RGPD2: variants seen among roughly 807,000 people sequenced by gnomAD.
RGPD2 encodes RANBP2-like and GRIP domain-containing protein 2.
Under a neutral mutation model 36.0 loss-of-function variants are expected in RGPD2, and 2 were observed. The ratio of observed to expected loss-of-function variants is 0.06; its 90% CI spans 0.02 to 0.17. The LOEUF (loss-of-function observed/expected upper bound fraction) is 0.17. Ranked by LOEUF, RGPD2 falls within the 10% of genes least tolerant of loss-of-function variation. The pLI, the probability that RGPD2 is intolerant of heterozygous loss-of-function variation, is 1.00. For missense variants in RGPD2, 40 were observed against 464.3 expected (o/e 0.09, Z 8.40); for synonymous variants, 19 against 163.8 (o/e 0.12, Z 6.75).
At chr2:87,826,892 A>G (rs1686824981), upstream of RGPD2, among the ~76,000 whole-genome samples, 1 of 106,274 alleles carries the variant, frequency 9.4e-6, no homozygotes, top group African/African-American at 3.7e-5. Flanking sequence ...CTAATAGTGC[A>G]TAGTATTGGA....
At chr2:87,948,077 G>A in the RGPD2 span, among the ~76,000 whole-genome samples, 1 of 152,210 alleles carries the variant, frequency 6.6e-6, no homozygotes, top group Non-Finnish European at 1.5e-5. Flanking sequence ...AACCTTAAGC[G>A]TTACATTAGG....
At chr2:87,886,315 C>T in the RGPD2 span, among the ~76,000 whole-genome samples, 731 of 151,920 alleles carry the variant, frequency 4.8e-3, 4 homozygotes, top group Middle Eastern at 0.017. Context: ...CTTGTCCATG[C>T]TACAAAATAA....
chr2:87,938,033 T>C, the RGPD2 span, among the ~76,000 whole-genome samples: 1 of 151,760 alleles, frequency 6.6e-6, no homozygotes, highest in African/African-American at 2.4e-5. Context: ...AAGTAAGGGA[T>C]TGGAGAGAGT....
At chr2:87,922,292 C>CAAAAAAAAAAAAAAAAAAAAAA in the RGPD2 span, among the ~76,000 whole-genome samples, 1 of 84,694 alleles carries the variant, frequency 1.2e-5, no homozygotes, top group Non-Finnish European at 2.1e-5. Context: ...GACTTCGTCT[C>CAAAAAAAAAAAAAAAAAAAAAA]AAAAAAAAAA....
At chr2:87,974,255 C>T in the RGPD2 span, among the ~76,000 whole-genome samples, 25 of 144,996 alleles carry the variant, frequency 1.7e-4, no homozygotes, top group African/African-American at 6.2e-4. Flanking sequence ...AAACTATGAA[C>T]GATAAGACTG....
At chr2:87,985,996 T>C in the RGPD2 span, 22 of 1,024,624 alleles carry the variant, frequency 2.1e-5, no homozygotes, top group African/African-American at 3.4e-4. Context: ...TTTTTTTAAC[T>C]TCTACTATGT....
the RGPD2 span, among the ~76,000 whole-genome samples, chr2:87,917,207 G>T: frequency 2.0e-5 from 3 of 150,438 alleles, no homozygotes; most frequent in Non-Finnish European, 4.4e-5. Context: ...GTAAAGTCAG[G>T]AAGTCAGAAA....
rs1436404277 is a variant in RGPD2, at chr2:87,824,690, T to C, written c.72+968A>G. On this transcript the variant is annotated intron_variant, in intron 1 of 22. Coordinates refer to ENST00000398146, the MANE Select transcript of RGPD2 (RefSeq NM_001078170.3). ...GGGGGAAAAAAAAAGACTCTAAGTG[T>C]AAGAGAGGTGAGGCCGAGGCCGAGG... Among the ~76,000 whole-genome samples, 22 of 132,590 alleles carry C rather than the reference T, an allele frequency of 1.7e-4. 1 individual carries two copies. Among genetic ancestry groups the C allele is most frequent in the African/African-American group, 6.0e-4 (21 of 34,896 alleles). 87.0% of individuals were successfully genotyped at this position (132,590 alleles called of 152,430 possible). A position where few individuals can be genotyped will look rare whatever the true frequency, so the allele number is the denominator to read the frequency against.
chr2:87,844,875 C>T, the RGPD2 span, among the ~76,000 whole-genome samples: 1 of 128,114 alleles, frequency 7.8e-6, no homozygotes, highest in Non-Finnish European at 1.6e-5. Flanking sequence ...ATCCAGTTTA[C>T]TTCTATTACT....
At chr2:87,872,192 AT>A in the RGPD2 span, among the ~76,000 whole-genome samples, 16 of 149,464 alleles carry the variant, frequency 1.1e-4, no homozygotes, top group Non-Finnish European at 2.2e-4. Context: ...CCTTAAAAGA[AT>A]TGAGCTGATG....
the RGPD2 span, chr2:87,985,917 A>G: frequency 7.0e-6 from 11 of 1,568,994 alleles, no homozygotes; most frequent in East Asian, 2.3e-5. Flanking sequence ...TGTTTGTACT[A>G]TTAAAAGCAA....
chr2:87,979,225 C>T, the RGPD2 span, among the ~76,000 whole-genome samples: 126,192 of 140,268 alleles, frequency 0.9, 57,037 homozygotes, highest in East Asian at 0.99. Context: ...CACAGCAAGA[C>T]TCTGTCCCCC....
At chr2:87,989,700 G>T in the RGPD2 span, 3 of 960,148 alleles carry the variant, frequency 3.1e-6, no homozygotes, top group Non-Finnish European at 4.4e-6. Context: ...ACTTACTAGG[G>T]TGACTCTGTT....
intron 1 of RGPD2, among the ~76,000 whole-genome samples, chr2:87,822,302 G>A (rs1423387330): frequency 6.6e-6 from 1 of 151,802 alleles, no homozygotes; most frequent in Non-Finnish European, 1.5e-5. Context: ...TAAAAAAAAG[G>A]GTAAGAAATG....
Position 87,825,241 on chromosome 2 carries a change from CAAT to C in RGPD2, c.72+414_72+416del, listed in dbSNP as rs757273879. 1,422 of 395,440 alleles carry C rather than the reference CAAT, an allele frequency of 3.6e-3. 9 individuals are homozygous for C. Among genetic ancestry groups the C allele is most frequent in the Non-Finnish European group, 3.6e-3 (802 of 224,082 alleles). The allele number at this position is 395,440 out of a possible 1,614,324, so 24.5% of individuals were successfully genotyped here. A position where few individuals can be genotyped will look rare whatever the true frequency, so the allele number is the denominator to read the frequency against. On this transcript the variant is annotated intron_variant, in intron 1 of 22. Transcript: ENST00000398146. ...CAACAACCGACTAATTACCACCCAA[CAAT>C]GACTAATCCAACTAACCTCAAAACA...
the RGPD2 span, among the ~76,000 whole-genome samples, chr2:87,880,275 A>C: frequency 6.6e-6 from 1 of 152,070 alleles, no homozygotes; most frequent in Non-Finnish European, 1.5e-5. Context: ...TCTTCACTCT[A>C]TTAATTGTTT....
chr2:87,836,825 G>A, the RGPD2 span, among the ~76,000 whole-genome samples: 31 of 152,024 alleles, frequency 2.0e-4, no homozygotes, highest in Admixed American at 9.2e-4. Flanking sequence ...ACTGTATACT[G>A]CCTTCAAAAT....
At chr2:87,976,291 T>C in the RGPD2 span, among the ~76,000 whole-genome samples, 69 of 152,208 alleles carry the variant, frequency 4.5e-4, no homozygotes, top group Non-Finnish European at 7.9e-4. Flanking sequence ...TTAATTAAAA[T>C]TGATTTAAGT....
At position 87,807,362 on chromosome 2, in the gene RGPD2, TCA is replaced by T. The variant is rs1420265547; in HGVS notation, c.780-473_780-472del. Among the ~76,000 whole-genome samples, 120 of 145,252 alleles carry T rather than the reference TCA, an allele frequency of 8.3e-4. 1 individual carries two copies. The highest frequency in any genetic ancestry group is 3.4e-3 in the Middle Eastern group (1 of 290). ...GCAATTGCTCTTTTTACTATATAGA[TCA>T]TTACAGCGTTAAATTGTTTTTTTTT... On this transcript the variant is annotated intron_variant, in intron 6 of 22. Coordinates refer to ENST00000398146, the MANE Select transcript of RGPD2 (RefSeq NM_001078170.3).
Sources: gnomAD v4.1 joint callset for allele counts (sites outside exome capture counted in the v4.1 genomes callset) on GRCh38, gnomAD v4.1.1 for gene constraint, MANE v1.5 for transcripts, NCBI Gene and HGNC (gene_info 2026-07-23, HGNC 2026-07-21) for gene names.